The following NUP160 variants were observed in gnomAD, a reference collection of about 807,000 sequenced individuals.
NUP160 encodes the protein nucleoporin 160.
Under a neutral mutation model 196.9 loss-of-function variants are expected in NUP160, and 94 were observed. The ratio of observed to expected loss-of-function variants is 0.48; its 90% CI spans 0.40 to 0.57. NUP160 has a LOEUF of 0.57. Ranked by LOEUF, NUP160 falls within the 20% of genes least tolerant of loss-of-function variation. The pLI is 0.00. For missense variants in NUP160, 1,638 were observed against 1,748.3 expected (o/e 0.94, Z 1.13); for synonymous variants, 605 against 619.7 (o/e 0.98, Z 0.35).
intron 7 of NUP160, chr11:47,827,140 G>A (rs1207111595): frequency 2.2e-6 from 1 of 456,126 alleles, no homozygotes. Context: ...GCCGAGGTGG[G>A]TGGACTGCTT....
chr11:47,783,031 A>C, intron 34 of NUP160, 42 bp downstream of exon 34: 1 of 1,558,634 alleles, frequency 6.4e-7, no homozygotes, highest in Non-Finnish European at 8.8e-7. Flanking sequence ...AAAAATCGTA[A>C]GTCAAACCAT....
chr11:47,816,699 C>A (rs1014190233), intron 11 of NUP160, among the ~76,000 whole-genome samples: 9 of 152,114 alleles, frequency 5.9e-5, no homozygotes, highest in African/African-American at 2.2e-4. Context: ...TCACTTGAAC[C>A]CAGGAGGCAG....
In NUP160 at chr11:47,808,486, AG is replaced by A. The variant is rs1565196202; in HGVS notation, c.2284del (p.Leu762TyrfsTer43). ...GAGTAGGGGAGCTGTTCGATGTAGTAGGTCTTGCTGAGCTTGAAAGAGCTGA... is the reference window on the plus strand; with the variant it reads ...GAGTAGGGGAGCTGTTCGATGTAGTAGTCTTGCTGAGCTTGAAAGAGCTGA... On this transcript the variant is annotated frameshift_variant, in exon 18 of 36. Transcript: ENST00000378460. LOFTEE classifies it high-confidence loss of function. The A allele has an allele frequency of 6.2e-7, 1 of 1,613,996 alleles. No homozygotes were observed.
chr11:47,804,044 G>A (rs950208383), intron 21 of NUP160, among the ~76,000 whole-genome samples: 9 of 151,974 alleles, frequency 5.9e-5, no homozygotes, highest in African/African-American at 1.5e-4. Context: ...AGCTGGGCGC[G>A]GTGGCACGTG....
chr11:47,820,608 A>G (rs1851837685), intron 9 of NUP160, among the ~76,000 whole-genome samples: 1 of 151,926 alleles, frequency 6.6e-6, no homozygotes, highest in African/African-American at 2.4e-5. Flanking sequence ...GCTGGAGTGA[A>G]TGGCATGATC....
At chr11:47,800,156 A>G (rs2097673338) in intron 23 of NUP160, among the ~76,000 whole-genome samples, 1 of 151,514 alleles carries the variant, frequency 6.6e-6, no homozygotes, top group Non-Finnish European at 1.5e-5. Flanking sequence ...TGGGACACAG[A>G]GGCAGGAGAA....
exon 17 of NUP160, chr11:47,812,064 A>G: frequency 6.2e-7 from 1 of 1,614,074 alleles, no homozygotes; most frequent in Non-Finnish European, 8.5e-7. Context: ...CAGTACTTAC[A>G]GCATCTCCAA....
chr11:47,840,623 T>C (rs767390430), intron 2 of NUP160, 35 bp from the exon 3 acceptor site: 4 of 1,468,032 alleles, frequency 2.7e-6, no homozygotes, highest in Admixed American at 2.0e-5. Flanking sequence ...GAAAAGTTTA[T>C]GCTTTTCTCA....
intron 7 of NUP160, 94 bp from the exon 8 acceptor site, chr11:47,822,258 A>AC: frequency 1.1e-6 from 1 of 895,034 alleles, no homozygotes; most frequent in Non-Finnish European, 1.7e-6. Flanking sequence ...CCTTTAAAAA[A>AC]AAATTTTTTT....
chr11:47,783,286 C>A, intron 33 of NUP160, 88 bp from the exon 34 acceptor site: 2 of 1,470,016 alleles, frequency 1.4e-6, no homozygotes, highest in South Asian at 1.3e-5. Flanking sequence ...GATTCCCTAA[C>A]ATTTGTATTT....
At chr11:47,800,898 C>T (rs554359847) in intron 23 of NUP160, among the ~76,000 whole-genome samples, 1 of 152,242 alleles carries the variant, frequency 6.6e-6, no homozygotes, top group East Asian at 1.9e-4. Context: ...CTTTTCTGCA[C>T]AGGCCAGGCA....
intron 10 of NUP160, 93 bp from the exon 11 acceptor site, chr11:47,818,217 C>T: frequency 1.3e-6 from 1 of 789,176 alleles, no homozygotes; most frequent in Non-Finnish European, 2.2e-6. Context: ...ACTATATGAA[C>T]ATTGCCATTT....
Position 47,821,598 on chromosome 11 carries a change from G to C in NUP160, c.1277+126C>G, listed in dbSNP as rs1159547062. 3.7e-5 allele frequency: 25 copies of C among 680,250 alleles called. No homozygotes were observed. The East Asian group carries it at 5.8e-4, about 16-fold the overall frequency. 42.1% of individuals were successfully genotyped at this position (680,250 alleles called of 1,614,324 possible). A position where few individuals can be genotyped will look rare whatever the true frequency, so the allele number is the denominator to read the frequency against. On this transcript the variant is annotated intron_variant, in intron 9 of 35. Coordinates refer to ENST00000378460, the Ensembl canonical transcript of NUP160. ...TGGTCTCGAACTCCTGAGCTTAAGT[G>C]ATTTGCCTGCCTCGGCCTCTCAAAG...
chr11:47,804,539 AG>A lies in NUP160; in HGVS notation c.2676+9del. ...GAATGTGTAGACATGAAATGTTCAA[AG>A]GAACTCACCTGCAATTGTACATATT... On this transcript the variant is annotated intron_variant, in intron 21 of 35. Transcript: ENST00000378460. 1 of 1,521,960 alleles carries A rather than the reference AG, an allele frequency of 6.6e-7. No homozygotes were observed. Among genetic ancestry groups the A allele is most frequent in the Non-Finnish European group, 8.8e-7 (1 of 1,138,982 alleles). 94.3% of individuals were successfully genotyped at this position (1,521,960 alleles called of 1,614,324 possible). A position where few individuals can be genotyped will look rare whatever the true frequency, so the allele number is the denominator to read the frequency against.
At chr11:47,836,091 T>C (rs1384141400) in intron 6 of NUP160, among the ~76,000 whole-genome samples, 1 of 151,958 alleles carries the variant, frequency 6.6e-6, no homozygotes, top group Non-Finnish European at 1.5e-5. Context: ...TACTAAAAAA[T>C]ACAAAAATTA....
chr11:47,821,648 C>T lies in NUP160; in HGVS notation c.1277+76G>A, dbSNP rs890427835. 2.6e-4 allele frequency: 283 copies of T among 1,080,674 alleles called. 7 individuals are homozygous for T. In the Admixed American group the frequency reaches 4.6e-3, roughly 17 times the overall value. 66.9% of individuals were successfully genotyped at this position (1,080,674 alleles called of 1,614,324 possible). A position where few individuals can be genotyped will look rare whatever the true frequency, so the allele number is the denominator to read the frequency against. On this transcript the variant is annotated intron_variant, in intron 9 of 35. Coordinates refer to ENST00000378460, the Ensembl canonical transcript of NUP160. ...GTGTTAGGATTACAGGCATGAGACA[C>T]GGCGCCCGGCCTCTCGTCTTCTTAG...
At chr11:47,809,167 T>G (rs771114916) in intron 17 of NUP160, among the ~76,000 whole-genome samples, 1 of 146,604 alleles carries the variant, frequency 6.8e-6, no homozygotes, top group Admixed American at 7.1e-5. Flanking sequence ...CTCAGGAAGC[T>G]GAACTGAGCC....
intron 33 of NUP160, 150 bp downstream of exon 33, chr11:47,784,758 TCTCAAACTCCTGGG>T: frequency 2.4e-6 from 1 of 421,204 alleles, no homozygotes; most frequent in Non-Finnish European, 4.2e-6. Context: ...CCCAAGCTGG[TCTCAAACTCCTGGG>T]CTCAAGCCAT....
intron 1 of NUP160, 66 bp from the exon 2 acceptor site, chr11:47,848,025 G>C: frequency 7.3e-7 from 1 of 1,379,026 alleles, no homozygotes; most frequent in Non-Finnish European, 1.0e-6. Flanking sequence ...TAAGGGAGCT[G>C]ACAAAGCAGA....
Sources: gnomAD v4.1 joint callset for allele counts (sites outside exome capture counted in the v4.1 genomes callset) on GRCh38, gnomAD v4.1.1 for gene constraint, MANE v1.5 for transcripts, NCBI Gene and HGNC (gene_info 2026-07-23, HGNC 2026-07-21) for gene names.